GABRA5: variants seen among roughly 807,000 people sequenced by gnomAD.
The protein encoded by GABRA5 is gamma-aminobutyric acid receptor subunit alpha-5.
In GABRA5, 18 loss-of-function variants were observed where a neutral mutation model predicts 47.3. The ratio of observed to expected loss-of-function variants is 0.38; its 90% CI spans 0.26 to 0.56. The LOEUF is 0.56. GABRA5 is among the 20% of genes least tolerant of loss of function. The pLI is 0.71. For synonymous variants in GABRA5, 237 were observed against 229.3 expected, an observed-to-expected ratio of 1.03 and a Z score of -0.30; for missense variants, 365 against 599.3, an observed-to-expected ratio of 0.61 and a Z score of 4.08.
intron 6 of GABRA5, among the ~76,000 whole-genome samples, chr15:26,892,859 G>T (rs1233176862): frequency 1.3e-5 from 2 of 151,990 alleles, no homozygotes; most frequent in African/African-American, 4.8e-5. Flanking sequence ...GGGGAGGATG[G>T]AGCAGTGTGT....
In GABRA5 at chr15:26,948,677, C is replaced by T. The variant is rs989813488; in HGVS notation, c.*444C>T. 8 of 159,486 alleles carry T rather than the reference C, an allele frequency of 5.0e-5. No individual in the cohort carries two copies. The highest frequency in any genetic ancestry group is 1.8e-4 in the South Asian group (1 of 5,476). 9.9% of individuals were successfully genotyped at this position (159,486 alleles called of 1,614,324 possible). ...CGAGAAACAGAGATCATAAAGAGCA[C>T]GTTTTCCATTATGAGGAAACTTGGA... On this transcript the variant is annotated 3_prime_UTR_variant, in exon 11 of 11. Coordinates refer to ENST00000335625, the MANE Select transcript of GABRA5 (RefSeq NM_000810.4).
intron 7 of GABRA5, among the ~76,000 whole-genome samples, chr15:26,930,016 T>TTTTTTG (rs1894059914): frequency 1.6e-5 from 2 of 128,470 alleles, no homozygotes; most frequent in African/African-American, 5.8e-5. Context: ...CTTTTTTTTT[T>TTTTTTG]TTTTTTGTTT....
Position 26,883,289 on chromosome 15 carries a change from G to A in GABRA5, c.277-48G>A. The stretch of plus-strand genomic sequence containing the variant: ...TTCTTACTCCGCGCCGCAGGCCCCC[G>A]CCCAGGCCCCGTGCCCTCTGACTGC... On this transcript the variant is annotated intron_variant, in intron 5 of 10. Transcript: ENST00000335625. The surrounding 1 kb of genome is among the most constrained non-coding windows in gnomAD (Gnocchi z 4.8). 6.2e-7 allele frequency: 1 copy of A among 1,610,714 alleles called. No individual in the cohort carries two copies. The highest frequency in any genetic ancestry group is 2.2e-5 in the East Asian group (1 of 44,846).
chr15:26,878,430 A>G (rs1365963617), intron 3 of GABRA5, among the ~76,000 whole-genome samples: 1 of 152,170 alleles, frequency 6.6e-6, no homozygotes, highest in African/African-American at 2.4e-5. Flanking sequence ...GTATTTCATA[A>G]CCACGCACTG....
intron 7 of GABRA5, among the ~76,000 whole-genome samples, chr15:26,922,581 A>G (rs1246170371): frequency 1.3e-5 from 2 of 152,188 alleles, no homozygotes; most frequent in African/African-American, 4.8e-5. Context: ...ATGAAATGTT[A>G]AGGCTTAAGT....
intron 6 of GABRA5, among the ~76,000 whole-genome samples, chr15:26,906,890 A>G (rs1424557665): frequency 1.3e-5 from 2 of 152,260 alleles, no homozygotes; most frequent in Non-Finnish European, 2.9e-5. Flanking sequence ...ATAGATCAAT[A>G]TACTTTATAT....
chr15:26,878,230 G>A (rs186086920), intron 3 of GABRA5, among the ~76,000 whole-genome samples: 54 of 152,368 alleles, frequency 3.5e-4, no homozygotes, highest in African/African-American at 1.2e-3. Flanking sequence ...AACAAAGCAA[G>A]CTGAAGTTCC....
intron 7 of GABRA5, among the ~76,000 whole-genome samples, chr15:26,922,675 T>C (rs936155762): frequency 7.8e-6 from 1 of 128,002 alleles, no homozygotes; most frequent in Admixed American, 8.3e-5. Flanking sequence ...CATTTTTTAC[T>C]ATTCCATTTT....
chr15:26,876,288 G>C (rs1892595581), intron 3 of GABRA5, among the ~76,000 whole-genome samples: 1 of 152,160 alleles, frequency 6.6e-6, no homozygotes, highest in South Asian at 2.1e-4. Flanking sequence ...GTGGACCTGA[G>C]GTGTTTCCAT....
At chr15:26,889,119 T>C (rs1892945796) in intron 6 of GABRA5, among the ~76,000 whole-genome samples, 2 of 152,240 alleles carry the variant, frequency 1.3e-5, no homozygotes, top group African/African-American at 4.8e-5. Context: ...CTGCATCATC[T>C]CTTTTGCACA....
chr15:26,893,376 G>GTGTGTGTAT (rs1893076325), intron 6 of GABRA5, among the ~76,000 whole-genome samples: 1 of 754 alleles, frequency 1.3e-3, no homozygotes, highest in Non-Finnish European at 2.6e-3. Context: ...AGCGTGTGGC[G>GTGTGTGTAT]GGACTATATG....
chr15:26,925,572 TC>T (rs1354261693), intron 7 of GABRA5, among the ~76,000 whole-genome samples: 4 of 152,226 alleles, frequency 2.6e-5, no homozygotes, highest in Non-Finnish European at 5.9e-5. Flanking sequence ...TCTTTTGTAT[TC>T]TTAAGCATAT....
intron 6 of GABRA5, among the ~76,000 whole-genome samples, chr15:26,908,063 C>A (rs897419845): frequency 1.3e-5 from 2 of 152,140 alleles, no homozygotes; most frequent in African/African-American, 4.8e-5. Context: ...AACAGGCTAC[C>A]TGTATTGCTA....
At chr15:26,930,900 T>C (rs868580568) in intron 7 of GABRA5, among the ~76,000 whole-genome samples, 59 of 144,096 alleles carry the variant, frequency 4.1e-4, no homozygotes, top group Middle Eastern at 3.5e-3. Flanking sequence ...CTTTTCTTTT[T>C]TTTTTTTTTT....
At chr15:26,936,398 C>A (rs1894245001) in intron 7 of GABRA5, among the ~76,000 whole-genome samples, 2 of 152,148 alleles carry the variant, frequency 1.3e-5, no homozygotes, top group Non-Finnish European at 2.9e-5. Flanking sequence ...TTATGGCCCC[C>A]CTTACCCCAT....
chr15:26,907,653 C>T (rs1425341439), intron 6 of GABRA5, among the ~76,000 whole-genome samples: 1 of 152,172 alleles, frequency 6.6e-6, no homozygotes, highest in African/African-American at 2.4e-5. Flanking sequence ...GACCAGTACA[C>T]ACGTCACAGT....
At chr15:26,930,895 CTTTTTTTTT>C (rs555799476) in intron 7 of GABRA5, among the ~76,000 whole-genome samples, 265 of 115,022 alleles carry the variant, frequency 2.3e-3, no homozygotes, top group African/African-American at 8.8e-3. Context: ...TCTTTCTTTT[CTTTTTTTTT>C]TTTTTTTTTG....
At chr15:26,911,937 G>T (rs966163466) in intron 6 of GABRA5, among the ~76,000 whole-genome samples, 2 of 152,148 alleles carry the variant, frequency 1.3e-5, no homozygotes, top group African/African-American at 2.4e-5. Flanking sequence ...ACTGTGTGGG[G>T]TTATAGTGTT....
At chr15:26,944,508 G>A (rs28492044) in intron 10 of GABRA5, among the ~76,000 whole-genome samples, 2,423 of 152,316 alleles carry the variant, frequency 0.016, 62 homozygotes, top group African/African-American at 0.056. Context: ...AGGGGAAACC[G>A]GAGGAAGGGC....
Sources: allele counts gnomAD v4.1 joint callset (sites outside exome capture counted in the v4.1 genomes callset), GRCh38; gene constraint gnomAD v4.1.1; non-coding constraint Gnocchi (gnomAD v3.1); transcripts MANE v1.5; gene names NCBI Gene and HGNC (gene_info 2026-07-23, HGNC 2026-07-21).